Variants in BRIP1 observed in about 807,000 individuals in gnomAD.
BRIP1 encodes BRCA1 interacting DNA helicase 1.
Under a neutral mutation model 119.7 loss-of-function variants are expected in BRIP1, and 88 were observed. The observed-to-expected ratio is 0.74, with a 90% CI of 0.62 to 0.88. The LOEUF (loss-of-function observed/expected upper bound fraction) is 0.88, where lower values mean the gene tolerates loss of function less well. BRIP1 is among the 40% of genes least tolerant of loss of function. The pLI, the probability that BRIP1 is intolerant of heterozygous loss-of-function variation, is 0.00. For missense variants in BRIP1, 1,259 were observed against 1,455.4 expected, an observed-to-expected ratio of 0.87 and a Z score of 2.20; for synonymous variants, 443 against 496.5, an observed-to-expected ratio of 0.89 and a Z score of 1.43.
Position 61,780,395 on chromosome 17 carries a change from A to C in BRIP1, c.1801T>G (p.Ser601Ala), listed in dbSNP as rs1317946589. The change falls in exon 13 of 20, where the codon TCA becomes GCA. Residue 601 changes from serine to alanine, a missense_variant. By Grantham distance (99) the Ser-to-Ala change is moderately conservative. Transcript: ENST00000259008. The surrounding 1 kb of genome is among the most constrained non-coding windows in gnomAD (Gnocchi z 5.4). ...FWCLNPAVAFSDINGKVQTIV... is the reference protein window; with the variant it reads ...FWCLNPAVAFADINGKVQTIV... ...GTCTGAACTTTGCCATTAATATCTGAAAAGGCCTAAAAGAAAACAACATTA... is the reference window on the plus strand; with the variant it reads ...GTCTGAACTTTGCCATTAATATCTGCAAAGGCCTAAAAGAAAACAACATTA... The C allele has an allele frequency of 6.2e-7, 1 of 1,607,794 alleles. No individual in the cohort carries two copies. Among genetic ancestry groups the C allele is most frequent in the East Asian group, 2.2e-5 (1 of 44,802 alleles).
At position 61,799,674 on chromosome 17, in the gene BRIP1, A is replaced by G. The variant is rs1399746753; in HGVS notation, c.1141-375T>C. Among the ~76,000 whole-genome samples the G allele has an allele frequency of 6.6e-6, 1 of 152,192 alleles. No homozygotes were observed. Among genetic ancestry groups the G allele is most frequent in the Non-Finnish European group, 1.5e-5 (1 of 68,032 alleles). ...AGACCTTTAAAAATAAAATAACAAT[A>G]TAAGATTAAAAGCATAAGACCTTTA... On this transcript the variant is annotated intron_variant, in intron 8 of 19. Coordinates refer to ENST00000259008, the MANE Select transcript of BRIP1 (RefSeq NM_032043.3). The surrounding 1 kb of genome is among the most constrained non-coding windows in gnomAD (Gnocchi z 5.1).
In BRIP1 at chr17:61,857,649, G is replaced by T. The variant is rs2078917124; in HGVS notation, c.206-418C>A. On this transcript the variant is annotated intron_variant, in intron 3 of 19. Coordinates refer to ENST00000259008, the MANE Select transcript of BRIP1 (RefSeq NM_032043.3). This position sits in a 1 kb window ranked among gnomAD's most constrained non-coding sequence, Gnocchi z 5.1. ...TGAGGCAGGAGAATCGCTTGAACCTGGGAGGCAGAGGTAGCAATGAGCAGA... is the reference window on the plus strand; with the variant it reads ...TGAGGCAGGAGAATCGCTTGAACCTTGGAGGCAGAGGTAGCAATGAGCAGA... 2.6e-5 allele frequency among the ~76,000 whole-genome samples: 4 copies of T among 152,104 alleles called. No individual in the cohort carries two copies.
At position 61,707,263 on chromosome 17, in the gene BRIP1, T is replaced by C. The variant is rs549741731; in HGVS notation, c.2492+8688A>G. On this transcript the variant is annotated intron_variant, in intron 17 of 19. Transcript: ENST00000259008. Reference sequence around the variant, plus strand: ...AGTGTTGCTTTTCAGAAGTCTGTTATGATTCTGATTCTCTATCTTTTGTAA... The same window carrying C: ...AGTGTTGCTTTTCAGAAGTCTGTTACGATTCTGATTCTCTATCTTTTGTAA... Among the ~76,000 whole-genome samples the C allele has an allele frequency of 1.5e-3, 231 of 152,288 alleles. 1 individual carries two copies. The Middle Eastern group carries it at 0.017, about 11-fold the overall frequency.
intron 6 of BRIP1, among the ~76,000 whole-genome samples, chr17:61,820,810 C>G (rs987134493): frequency 6.6e-6 from 1 of 151,930 alleles, no homozygotes; most frequent in South Asian, 2.1e-4. Context: ...ATTAGCCAGG[C>G]GTGGTGGCAT....
rs971500038 is a variant in BRIP1, at chr17:61,739,749, A to G, written c.2379+3264T>C. On this transcript the variant is annotated intron_variant, in intron 16 of 19. Transcript: ENST00000259008. The surrounding 1 kb of genome is among the most constrained non-coding windows in gnomAD (Gnocchi z 6.0). ...GGGGGAGGGATATAGGTCATAATCAATAAGTCAGCTCAGTGGTCAGAAAAT... is the reference window on the plus strand; with the variant it reads ...GGGGGAGGGATATAGGTCATAATCAGTAAGTCAGCTCAGTGGTCAGAAAAT... Among the ~76,000 whole-genome samples, 5 of 152,202 alleles carry G rather than the reference A, an allele frequency of 3.3e-5. No individual in the cohort carries two copies. Among genetic ancestry groups the G allele is most frequent in the African/African-American group, 7.2e-5 (3 of 41,462 alleles).
chr17:61,749,040 G>A (rs961862119), intron 14 of BRIP1, among the ~76,000 whole-genome samples: 2 of 152,134 alleles, frequency 1.3e-5, no homozygotes, highest in South Asian at 2.1e-4. Context: ...GGGAGGCTGA[G>A]GCAAGAGAAT....
rs1157659840 is a variant in BRIP1, at chr17:61,759,390, C to T, written c.2098-14799G>A. Among the ~76,000 whole-genome samples, 1 of 152,106 alleles carries T rather than the reference C, an allele frequency of 6.6e-6. No individual in the cohort carries two copies. Among genetic ancestry groups the T allele is most frequent in the Non-Finnish European group, 1.5e-5 (1 of 68,004 alleles). On this transcript the variant is annotated intron_variant, in intron 14 of 19. Transcript: ENST00000259008. This position sits in a 1 kb window ranked among gnomAD's most constrained non-coding sequence, Gnocchi z 4.9. ...AGAGGATATAACAATTGTAAATACA[C>T]ATGCACCTAACATCAAAGTACCTAA...
chr17:61,726,496 T>A lies in BRIP1; in HGVS notation c.2380-10433A>T, dbSNP rs190730276. On this transcript the variant is annotated intron_variant, in intron 16 of 19. Coordinates refer to ENST00000259008, the MANE Select transcript of BRIP1 (RefSeq NM_032043.3). The surrounding 1 kb of genome is among the most constrained non-coding windows in gnomAD (Gnocchi z 6.2). ...TTAGTCAGTTCACCCCAAATCATTT[T>A]ACCACCTGGACCGATTCCTTCTGAA... is the stretch of plus-strand genomic sequence containing the variant. Among the ~76,000 whole-genome samples the A allele has an allele frequency of 6.6e-6, 1 of 152,310 alleles. No individual in the cohort carries two copies. The highest frequency in any genetic ancestry group is 1.5e-5 in the Non-Finnish European group (1 of 68,022).
At position 61,780,690 on chromosome 17, in the gene BRIP1, T is replaced by C; in HGVS notation, c.1794+150A>G. 2.1e-6 allele frequency: 2 copies of C among 954,530 alleles called. No homozygotes were observed. Among genetic ancestry groups the C allele is most frequent in the Non-Finnish European group, 3.3e-6 (2 of 609,464 alleles). The allele number at this position is 954,530 out of a possible 1,614,324, so 59.1% of individuals were successfully genotyped here. On this transcript the variant is annotated intron_variant, in intron 12 of 19. Transcript: ENST00000259008. This position sits in a 1 kb window ranked among gnomAD's most constrained non-coding sequence, Gnocchi z 5.4. ...CTACAGTGAGCTGAGATTGCACCACTGCACTCCAGCCTGGGTGAAGAGCAA... is the reference window on the plus strand; with the variant it reads ...CTACAGTGAGCTGAGATTGCACCACCGCACTCCAGCCTGGGTGAAGAGCAA...
In BRIP1 at chr17:61,816,925, A is replaced by G. The variant is rs1450353315; in HGVS notation, c.628-8168T>C. Among the ~76,000 whole-genome samples, 1 of 152,238 alleles carries G rather than the reference A, an allele frequency of 6.6e-6. No homozygotes were observed. The highest frequency in any genetic ancestry group is 2.4e-5 in the African/African-American group (1 of 41,476). ...TAACTGATTCAGGCAAGTTACATAAATGGATGCTGAAATCTTTCAGTGAAA... is the reference window on the plus strand; with the variant it reads ...TAACTGATTCAGGCAAGTTACATAAGTGGATGCTGAAATCTTTCAGTGAAA... On this transcript the variant is annotated intron_variant, in intron 6 of 19. Coordinates refer to ENST00000259008, the MANE Select transcript of BRIP1 (RefSeq NM_032043.3). This position sits in a 1 kb window ranked among gnomAD's most constrained non-coding sequence, Gnocchi z 5.0.
At position 61,756,178 on chromosome 17, in the gene BRIP1, T is replaced by C. The variant is rs1365131467; in HGVS notation, c.2098-11587A>G. ...ATTTAGGTCTACAGCTTTTATATTC[T>C]CATTGCAGGTGACACTTGAATTACA... On this transcript the variant is annotated intron_variant, in intron 14 of 19. Transcript: ENST00000259008. This position sits in a 1 kb window ranked among gnomAD's most constrained non-coding sequence, Gnocchi z 4.3. Among the ~76,000 whole-genome samples, 5 of 152,216 alleles carry C rather than the reference T, an allele frequency of 3.3e-5. No homozygotes were observed. Among genetic ancestry groups the C allele is most frequent in the African/African-American group, 9.6e-5 (4 of 41,460 alleles).
intron 17 of BRIP1, among the ~76,000 whole-genome samples, chr17:61,715,570 C>T (rs1228430473): frequency 5.3e-5 from 8 of 152,072 alleles, no homozygotes; most frequent in African/African-American, 1.9e-4. Flanking sequence ...TCTTCCCTGA[C>T]ATTTTGGGGG....
rs2078536997 is a variant in BRIP1 at position 61,834,250 on chromosome 17, ATGTAATATATG to A, written c.627+12840_627+12850del. 6.6e-6 allele frequency among the ~76,000 whole-genome samples: 1 copy of A among 152,282 alleles called. No homozygotes were observed. The highest frequency in any genetic ancestry group is 6.5e-5 in the Admixed American group (1 of 15,276). On this transcript the variant is annotated intron_variant, in intron 6 of 19. Transcript: ENST00000259008. The surrounding 1 kb of genome is among the most constrained non-coding windows in gnomAD (Gnocchi z 4.4). ...TTTTGTGTGTGGGGAGGGAGTATAT[ATGTAATATATG>A]TGTAATATATGTCATATATACTACA...
At position 61,707,848 on chromosome 17, in the gene BRIP1, C is replaced by T. The variant is rs540402617; in HGVS notation, c.2492+8103G>A. ...CTCCAATGTGTAGGAATGGTCTTCA[C>T]ATTTTTTTTTTTTTTTGAGAAGGAG... is the stretch of plus-strand genomic sequence containing the variant. On this transcript the variant is annotated intron_variant, in intron 17 of 19. Coordinates refer to ENST00000259008, the MANE Select transcript of BRIP1 (RefSeq NM_032043.3). Among the ~76,000 whole-genome samples, 11 of 148,240 alleles carry T rather than the reference C, an allele frequency of 7.4e-5. No individual in the cohort carries two copies. In the East Asian group the frequency reaches 2.1e-3, roughly 29 times the overall value.
intron 6 of BRIP1, among the ~76,000 whole-genome samples, chr17:61,836,234 C>T (rs1421376771): frequency 6.6e-6 from 1 of 151,204 alleles, no homozygotes; most frequent in Non-Finnish European, 1.5e-5. Context: ...GCCTCAGCCT[C>T]CTGGTAGCTG....
intron 16 of BRIP1, among the ~76,000 whole-genome samples, chr17:61,719,151 G>A (rs1330627073): frequency 6.6e-6 from 1 of 151,142 alleles, no homozygotes; most frequent in East Asian, 2.0e-4. Context: ...TTTCTTGAAG[G>A]AAATCATTAT....
At chr17:61,777,568 G>A (rs1237472471) in intron 13 of BRIP1, among the ~76,000 whole-genome samples, 1 of 152,154 alleles carries the variant, frequency 6.6e-6, no homozygotes, top group Non-Finnish European at 1.5e-5. Context: ...CCCTCTGCTT[G>A]GGTTCAATTA....
chr17:61,765,043 C>G (rs1301185858), intron 14 of BRIP1, among the ~76,000 whole-genome samples: 3 of 151,716 alleles, frequency 2.0e-5, no homozygotes, highest in Non-Finnish European at 2.9e-5. Context: ...GTCACTTGCC[C>G]TTTCACCTTT....
intron 6 of BRIP1, among the ~76,000 whole-genome samples, chr17:61,838,478 G>C (rs1056723509): frequency 6.6e-6 from 1 of 151,562 alleles, no homozygotes; most frequent in Non-Finnish European, 1.5e-5. Flanking sequence ...CCCAGGAGGC[G>C]GAACTTGCAG....
Sources: allele counts gnomAD v4.1 joint callset (sites outside exome capture counted in the v4.1 genomes callset), GRCh38; gene constraint gnomAD v4.1.1; non-coding constraint Gnocchi (gnomAD v3.1); transcripts MANE v1.5; gene names NCBI Gene and HGNC (gene_info 2026-07-23, HGNC 2026-07-21).